The following RORA variants were observed in gnomAD, a reference collection of about 807,000 sequenced individuals.
RORA encodes the protein nuclear receptor ROR-alpha.
RORA carries 7 observed loss-of-function variants against 69.5 expected under a neutral mutation model. That is an observed-to-expected ratio of 0.10 (90% CI 0.06 to 0.19). RORA has a LOEUF of 0.19. RORA is among the 10% of genes least tolerant of loss of function. The pLI, the probability that RORA is intolerant of heterozygous loss-of-function variation, is 1.00. For missense variants in RORA, 457 were observed against 663.0 expected, an observed-to-expected ratio of 0.69 and a Z score of 3.41; for synonymous variants, 261 against 240.8, an observed-to-expected ratio of 1.08 and a Z score of -0.78.
intron 2 of RORA, among the ~76,000 whole-genome samples, chr15:60,568,969 T>C (rs927043795): frequency 6.7e-6 from 1 of 148,986 alleles, no homozygotes; most frequent in African/African-American, 2.4e-5. Flanking sequence ...AAAAACTCAA[T>C]ATTATGGCAT....
intron 1 of RORA, among the ~76,000 whole-genome samples, chr15:60,845,786 G>C (rs1023708878): frequency 6.6e-6 from 1 of 152,066 alleles, no homozygotes; most frequent in African/African-American, 2.4e-5. Context: ...TTGCTCTGTC[G>C]CCCAGGCTGC....
intron 2 of RORA, chr15:60,558,315 A>T (rs1365410928): frequency 1.3e-6 from 2 of 1,593,926 alleles, no homozygotes; most frequent in African/African-American, 2.7e-5. Context: ...CCCTGGAACG[A>T]AAATGATAGC....
intron 1 of RORA, among the ~76,000 whole-genome samples, chr15:61,041,337 GGA>G: frequency 6.6e-6 from 1 of 152,252 alleles, no homozygotes; most frequent in African/African-American, 2.4e-5. Flanking sequence ...GCAAACTGGA[GGA>G]GAGATGAATT....
intron 1 of RORA, among the ~76,000 whole-genome samples, chr15:61,001,559 G>T (rs1032819271): frequency 2.0e-5 from 3 of 152,178 alleles, no homozygotes; most frequent in African/African-American, 7.2e-5. Flanking sequence ...AAGTCAAGAC[G>T]GCTGCCCAAG....
chr15:60,500,084 G>A (rs1361685851), intron 9 of RORA, 80 bp from the exon 10 acceptor site: 4 of 817,552 alleles, frequency 4.9e-6, no homozygotes, highest in South Asian at 1.7e-5. Flanking sequence ...CTTTTGATAC[G>A]GATAATTATA....
chr15:60,941,015 C>A (rs886413007), intron 1 of RORA, among the ~76,000 whole-genome samples: 1 of 152,146 alleles, frequency 6.6e-6, no homozygotes, highest in Admixed American at 6.5e-5. Flanking sequence ...TGATTTTTCT[C>A]CTATGTGATA....
chr15:60,546,224 TAACA>T (rs1041391580), intron 2 of RORA: 3 of 152,234 alleles, frequency 2.0e-5, no homozygotes, highest in Non-Finnish European at 2.9e-5. Flanking sequence ...GAGGGCCAAC[TAACA>T]GATTTCCTAA....
intron 2 of RORA, among the ~76,000 whole-genome samples, chr15:60,609,109 G>A (rs2069021541): frequency 6.6e-6 from 1 of 152,120 alleles, no homozygotes; most frequent in Admixed American, 6.5e-5. Context: ...ATGGTCAGGA[G>A]GTCTAGGCAG....
chr15:60,520,917 A>G (rs945246619), intron 3 of RORA, among the ~76,000 whole-genome samples: 2 of 152,208 alleles, frequency 1.3e-5, no homozygotes, highest in African/African-American at 4.8e-5. Context: ...ACCATGATAC[A>G]TTTCAGGTAG....
intron 1 of RORA, among the ~76,000 whole-genome samples, chr15:61,049,234 G>T (rs970364946): frequency 3.9e-5 from 6 of 152,224 alleles, no homozygotes; most frequent in African/African-American, 1.4e-4. Flanking sequence ...CAAGGAGACA[G>T]ATGTATTAAA....
intron 1 of RORA, chr15:60,764,957 C>T (rs183347440): frequency 5.5e-4 from 84 of 152,068 alleles, no homozygotes; most frequent in African/African-American, 1.8e-3. Context: ...CCTGTCCTCT[C>T]GGTGGTATGC....
rs77202225 is a variant in RORA at position 60,987,292 on chromosome 15, C to T, written c.166+241761G>A. Among the ~76,000 whole-genome samples, 40 of 152,312 alleles carry T rather than the reference C, an allele frequency of 2.6e-4. No individual in the cohort carries two copies. The East Asian group carries it at 3.1e-3, about 12-fold the overall frequency. On this transcript the variant is annotated intron_variant, in intron 1 of 10. Coordinates refer to ENST00000335670, the MANE Select transcript of RORA (RefSeq NM_134261.3). ...CAGCTGTTCCTTCTTTCCTGGAGGA[C>T]GGTCTGTCTAATCATAATTATCCAA...
At chr15:60,651,806 A>T (rs2070146565) in intron 2 of RORA, among the ~76,000 whole-genome samples, 1 of 152,164 alleles carries the variant, frequency 6.6e-6, no homozygotes. Context: ...TAAATCTGAG[A>T]GAGATAAATT....
intron 1 of RORA, among the ~76,000 whole-genome samples, chr15:60,718,412 T>G (rs2071247714): frequency 6.6e-6 from 1 of 152,166 alleles, no homozygotes; most frequent in African/African-American, 2.4e-5. Flanking sequence ...TAGAAAATGG[T>G]CACTCCTCAC....
At chr15:61,208,153 G>A (rs112248293) in intron 1 of RORA, among the ~76,000 whole-genome samples, 2,566 of 152,284 alleles carry the variant, frequency 0.017, 44 homozygotes, top group Non-Finnish European at 0.024. Context: ...GAAGAGAAAG[G>A]AGTCTATCAG....
At chr15:60,521,521 G>A (rs564055784) in intron 3 of RORA, among the ~76,000 whole-genome samples, 2 of 152,236 alleles carry the variant, frequency 1.3e-5, no homozygotes, top group East Asian at 1.9e-4. Context: ...ATTTACAGGC[G>A]TGAGCCACCG....
intron 1 of RORA, among the ~76,000 whole-genome samples, chr15:60,678,953 A>T (rs1451776686): frequency 6.6e-6 from 1 of 152,206 alleles, no homozygotes; most frequent in Non-Finnish European, 1.5e-5. Context: ...AGGGTTAAAC[A>T]GGACGCGAGG....
intron 1 of RORA, among the ~76,000 whole-genome samples, chr15:60,879,474 C>G (rs1190142874): frequency 6.6e-6 from 1 of 152,108 alleles, no homozygotes; most frequent in African/African-American, 2.4e-5. Context: ...GTTAGTGTTA[C>G]TTAGAGAAGG....
chr15:60,997,867 A>C (rs1894609161), intron 1 of RORA, among the ~76,000 whole-genome samples: 1 of 152,234 alleles, frequency 6.6e-6, no homozygotes, highest in African/African-American at 2.4e-5. Context: ...CCCATGATAA[A>C]GTAAAAGAGC....
Sources: gnomAD v4.1 joint callset for allele counts (sites outside exome capture counted in the v4.1 genomes callset) on GRCh38, gnomAD v4.1.1 for gene constraint, MANE v1.5 for transcripts, NCBI Gene and HGNC (gene_info 2026-07-23, HGNC 2026-07-21) for gene names.